The following PALLD variants were observed in gnomAD, a reference collection of about 807,000 sequenced individuals.
The protein encoded by PALLD is palladin, cytoskeletal associated protein.
PALLD carries 61 observed loss-of-function variants against 123.5 expected under a neutral mutation model. The ratio of observed to expected loss-of-function variants is 0.49; its 90% CI spans 0.40 to 0.61. The LOEUF (loss-of-function observed/expected upper bound fraction) is 0.61, where lower values mean the gene tolerates loss of function less well. Ranked by LOEUF, PALLD falls within the 20% of genes least tolerant of loss-of-function variation. The probability of loss-of-function intolerance (pLI) is 0.00; values close to 1 mark genes in which losing one functional copy is unlikely to be tolerated. For missense variants in PALLD, 1,273 were observed against 1,377.0 expected, an observed-to-expected ratio of 0.92 and a Z score of 1.20; for synonymous variants, 465 against 496.4, an observed-to-expected ratio of 0.94 and a Z score of 0.84.
At chr4:168,755,146 T>C (rs1252784216) in intron 10 of PALLD, among the ~76,000 whole-genome samples, 1 of 145,768 alleles carries the variant, frequency 6.9e-6, no homozygotes, top group East Asian at 2.0e-4. Flanking sequence ...GGCAGGAGAA[T>C]GGCATGAGCC....
intron 10 of PALLD, among the ~76,000 whole-genome samples, chr4:168,742,178 A>G (rs1477869743): frequency 6.6e-6 from 1 of 152,188 alleles, no homozygotes; most frequent in Non-Finnish European, 1.5e-5. Flanking sequence ...TTTAATGTAG[A>G]GGTCGTGGCT....
chr4:168,610,387 G>T (rs188195114), intron 2 of PALLD, among the ~76,000 whole-genome samples: 5 of 152,308 alleles, frequency 3.3e-5, no homozygotes, highest in Admixed American at 3.3e-4. Flanking sequence ...TACTCTCTGG[G>T]CTTAATCACT....
chr4:168,683,364 G>A (rs887454873), intron 5 of PALLD, among the ~76,000 whole-genome samples: 2 of 152,170 alleles, frequency 1.3e-5, no homozygotes, highest in Admixed American at 1.3e-4. Context: ...CTAATAATCT[G>A]ATAAACTGGT....
intron 2 of PALLD, among the ~76,000 whole-genome samples, chr4:168,661,375 C>T (rs1289265144): frequency 6.6e-6 from 1 of 152,184 alleles, no homozygotes; most frequent in Non-Finnish European, 1.5e-5. Flanking sequence ...TCGATTCCTG[C>T]ATTGCGGTTG....
chr4:168,687,168 G>A (rs2150109050), intron 6 of PALLD, among the ~76,000 whole-genome samples: 1 of 152,288 alleles, frequency 6.6e-6, no homozygotes, highest in Middle Eastern at 3.4e-3. Context: ...CATAGAAGGA[G>A]TGATTTTTTT....
intron 10 of PALLD, among the ~76,000 whole-genome samples, chr4:168,820,545 A>G (rs1183042422): frequency 6.6e-6 from 1 of 152,184 alleles, no homozygotes; most frequent in African/African-American, 2.4e-5. Flanking sequence ...GTATGGATAC[A>G]TATGCATCAC....
chr4:168,783,250 T>C (rs1561518780), intron 10 of PALLD, among the ~76,000 whole-genome samples: 2 of 152,178 alleles, frequency 1.3e-5, no homozygotes, highest in South Asian at 4.1e-4. Context: ...TTCTTATTAC[T>C]CAGTATTAAA....
chr4:168,509,318 C>A (rs1388298824), intron 1 of PALLD, among the ~76,000 whole-genome samples: 1 of 152,134 alleles, frequency 6.6e-6, no homozygotes. Context: ...ACATGTGTCT[C>A]ATCTTCAGCG....
At chr4:168,820,821 A>G (rs1027228565) in intron 10 of PALLD, among the ~76,000 whole-genome samples, 1 of 152,196 alleles carries the variant, frequency 6.6e-6, no homozygotes, top group African/African-American at 2.4e-5. Context: ...TGAGAATGAT[A>G]GTTACACAGA....
intron 10 of PALLD, among the ~76,000 whole-genome samples, chr4:168,796,739 GATC>G (rs1738567220): frequency 6.6e-6 from 1 of 152,180 alleles, no homozygotes; most frequent in Admixed American, 6.5e-5. Context: ...CAGGAAATGA[GATC>G]ATAGAATTTC....
rs770458533 is a variant in PALLD at position 168,512,112 on chromosome 4, G to A, written c.608G>A (p.Gly203Glu). 3.7e-6 allele frequency: 6 copies of A among 1,614,186 alleles called. No homozygotes were observed. Among genetic ancestry groups the A allele is most frequent in the South Asian group, 1.1e-5 (1 of 91,092 alleles). Reference protein sequence around the residue: ...PNGESSSPDSGYLSPKNQPSA... With the variant: ...PNGESSSPDSEYLSPKNQPSA... The stretch of plus-strand genomic sequence containing the variant: ...GGGGAGTCCTCGTCACCAGACAGTG[G>A]GTACCTGTCTCCTAAAAATCAGCCG... The change falls in exon 2 of 22, where the codon GGG becomes GAG. Residue 203 changes from glycine (G) to glutamate (E), a missense_variant. Coordinates refer to ENST00000505667, the MANE Select transcript of PALLD (RefSeq NM_001166108.2).
chr4:168,752,195 C>A (rs184454504), intron 10 of PALLD, among the ~76,000 whole-genome samples: 3 of 152,314 alleles, frequency 2.0e-5, no homozygotes, highest in African/African-American at 7.2e-5. Context: ...CAACATGGTG[C>A]AACTCTGTCT....
At chr4:168,861,279 T>TAAAA (rs11459765) in intron 10 of PALLD, among the ~76,000 whole-genome samples, 5 of 149,438 alleles carry the variant, frequency 3.3e-5, no homozygotes, top group Non-Finnish European at 5.9e-5. Flanking sequence ...AATATGGAAT[T>TAAAA]AAAAAAAAAA....
At chr4:168,682,386 A>C (rs1160678194) in intron 4 of PALLD, among the ~76,000 whole-genome samples, 2 of 152,226 alleles carry the variant, frequency 1.3e-5, no homozygotes, top group Non-Finnish European at 2.9e-5. Flanking sequence ...GCTCAAGTTT[A>C]GTGAAGTTAC....
intron 10 of PALLD, among the ~76,000 whole-genome samples, chr4:168,734,274 AT>A (rs879337766): frequency 0.014 from 1,983 of 145,246 alleles, 32 homozygotes; most frequent in African/African-American, 0.041. Context: ...CCTGGGTTTG[AT>A]TTTTTTTTTT....
intron 3 of PALLD, among the ~76,000 whole-genome samples, chr4:168,679,802 A>G (rs1781362448): frequency 6.6e-6 from 1 of 152,052 alleles, no homozygotes; most frequent in South Asian, 2.1e-4. Context: ...AGTGTGCTCT[A>G]GGAAAATCTA....
chr4:168,911,597 G>T (rs1235534673), intron 15 of PALLD, among the ~76,000 whole-genome samples: 1 of 152,164 alleles, frequency 6.6e-6, no homozygotes, highest in East Asian at 1.9e-4. Context: ...CATGATGGAG[G>T]TCTTCTAAGC....
chr4:168,568,882 G>T (rs927614212), intron 2 of PALLD, among the ~76,000 whole-genome samples: 4 of 151,716 alleles, frequency 2.6e-5, no homozygotes, highest in African/African-American at 9.7e-5. Context: ...TCAGAGTTGG[G>T]GTGTGTGAGT....
intron 2 of PALLD, among the ~76,000 whole-genome samples, chr4:168,541,290 G>T (rs1274295108): frequency 6.6e-6 from 1 of 152,112 alleles, no homozygotes; most frequent in African/African-American, 2.4e-5. Flanking sequence ...TCTCATATGA[G>T]AAGTGTTCAG....
Sources: gnomAD v4.1 joint callset for allele counts (sites outside exome capture counted in the v4.1 genomes callset) on GRCh38, gnomAD v4.1.1 for gene constraint, MANE v1.5 for transcripts, NCBI Gene and HGNC (gene_info 2026-07-23, HGNC 2026-07-21) for gene names.